Variants in ESCO1 observed in about 807,000 individuals in gnomAD.
The protein encoded by ESCO1 is establishment of sister chromatid cohesion N-acetyltransferase 1.
ESCO1 carries 33 observed loss-of-function variants against 83.5 expected under a neutral mutation model. That is an observed-to-expected ratio of 0.40 (90% CI 0.30 to 0.53). The LOEUF (loss-of-function observed/expected upper bound fraction) is 0.53. ESCO1 is among the 20% of genes least tolerant of loss of function. ESCO1 has a pLI of 0.63. For synonymous variants in ESCO1, 332 were observed against 324.3 expected, an observed-to-expected ratio of 1.02 and a Z score of -0.25; for missense variants, 855 against 968.0, an observed-to-expected ratio of 0.88 and a Z score of 1.55.
At chr18:21,550,608 T>C (rs1250087927) in intron 8 of ESCO1, among the ~76,000 whole-genome samples, 1 of 152,232 alleles carries the variant, frequency 6.6e-6, no homozygotes, top group Admixed American at 6.5e-5. Context: ...AGCAAACACA[T>C]TGAGTTCATC....
intron 7 of ESCO1, among the ~76,000 whole-genome samples, chr18:21,563,928 A>G (rs897573802): frequency 3.3e-5 from 5 of 151,338 alleles, no homozygotes; most frequent in Non-Finnish European, 7.4e-5. Flanking sequence ...TTAAAAAAAA[A>G]AAAAAAGAGT....
intron 8 of ESCO1, among the ~76,000 whole-genome samples, chr18:21,545,843 T>A (rs1218201607): frequency 6.6e-6 from 1 of 151,966 alleles, no homozygotes; most frequent in African/African-American, 2.4e-5. Context: ...GGCAGGAGGA[T>A]CACCTGAACC....
chr18:21,572,648 T>A (rs1289758038), intron 4 of ESCO1, among the ~76,000 whole-genome samples: 1 of 152,178 alleles, frequency 6.6e-6, no homozygotes, highest in East Asian at 1.9e-4. Context: ...TAGTTGAAAT[T>A]AATTTTAATA....
At chr18:21,547,537 C>T (rs1039108894) in intron 8 of ESCO1, among the ~76,000 whole-genome samples, 4 of 151,980 alleles carry the variant, frequency 2.6e-5, no homozygotes, top group Non-Finnish European at 4.4e-5. Context: ...GTCTTTAATA[C>T]AAGGTGCAAT....
chr18:21,598,882 A>C (rs542525161), intron 1 of ESCO1, among the ~76,000 whole-genome samples: 2 of 152,280 alleles, frequency 1.3e-5, no homozygotes, highest in South Asian at 4.1e-4. Flanking sequence ...GATACTCTGC[A>C]TTCTGCCTAA....
intron 2 of ESCO1, among the ~76,000 whole-genome samples, chr18:21,577,683 A>G (rs1023760523): frequency 4.0e-5 from 6 of 151,320 alleles, no homozygotes; most frequent in Admixed American, 3.3e-4. Flanking sequence ...AAAAAAGCAG[A>G]TATTCTCCCA....
intron 1 of ESCO1, among the ~76,000 whole-genome samples, chr18:21,600,194 C>T (rs566947128): frequency 6.6e-6 from 1 of 152,378 alleles, no homozygotes; most frequent in South Asian, 2.1e-4. Flanking sequence ...AGAGAAAACG[C>T]AGGGGGCGGA....
intron 2 of ESCO1, among the ~76,000 whole-genome samples, chr18:21,579,325 G>A (rs1336283257): frequency 6.6e-6 from 1 of 152,032 alleles, no homozygotes; most frequent in Non-Finnish European, 1.5e-5. Flanking sequence ...GAGCATGGTG[G>A]CACGCGCCTG....
At chr18:21,580,908 T>A (rs902119067) in intron 2 of ESCO1, among the ~76,000 whole-genome samples, 1 of 152,146 alleles carries the variant, frequency 6.6e-6, no homozygotes. Flanking sequence ...AAAAATCTCT[T>A]GAACCCAGGA....
intron 4 of ESCO1, among the ~76,000 whole-genome samples, chr18:21,569,844 C>T (rs569240851): frequency 2.0e-5 from 3 of 152,150 alleles, no homozygotes; most frequent in African/African-American, 4.8e-5. Flanking sequence ...AGCAAGACTC[C>T]GTCTCAAAAA....
intron 8 of ESCO1, 81 bp from the exon 9 acceptor site, chr18:21,540,090 G>T: frequency 8.3e-7 from 1 of 1,209,468 alleles, no homozygotes; most frequent in Non-Finnish European, 1.1e-6. Flanking sequence ...CCACGTACAA[G>T]ATAAAAAGTA....
At chr18:21,551,826 G>A (rs2038051452) in intron 8 of ESCO1, among the ~76,000 whole-genome samples, 1 of 152,144 alleles carries the variant, frequency 6.6e-6, no homozygotes, top group Non-Finnish European at 1.5e-5. Context: ...GAAAACTACA[G>A]TTTCAAACCC....
intron 8 of ESCO1, among the ~76,000 whole-genome samples, chr18:21,559,975 A>G (rs2038161976): frequency 1.3e-5 from 2 of 152,156 alleles, no homozygotes; most frequent in Non-Finnish European, 2.9e-5. Context: ...TAATACAAGC[A>G]TATGAATTTA....
chr18:21,581,955 G>A (rs905822656), intron 2 of ESCO1, among the ~76,000 whole-genome samples: 5 of 151,836 alleles, frequency 3.3e-5, no homozygotes, highest in Admixed American at 2.6e-4. Context: ...GCCAGGTGTG[G>A]TGCATACCTA....
Position 21,558,659 on chromosome 18 carries a change from G to A in ESCO1, c.1953+2200C>T, listed in dbSNP as rs141572058. Among the ~76,000 whole-genome samples the A allele has an allele frequency of 8.7e-4, 131 of 150,738 alleles. 1 individual carries two copies. Among genetic ancestry groups the A allele is most frequent in the African/African-American group, 3.0e-3 (123 of 41,064 alleles). ...GGAGAACTGCTTGAACCCAGGAGGTGGAGGAGGCAGTGAGCCAAGATTGCA... is the reference window on the plus strand; with the variant it reads ...GGAGAACTGCTTGAACCCAGGAGGTAGAGGAGGCAGTGAGCCAAGATTGCA... On this transcript the variant is annotated intron_variant, in intron 8 of 11. Transcript: ENST00000269214.
intron 8 of ESCO1, among the ~76,000 whole-genome samples, chr18:21,559,829 G>C (rs7239746): frequency 1.3e-5 from 2 of 152,166 alleles, no homozygotes; most frequent in African/African-American, 4.8e-5. Context: ...AGTGTGTGGA[G>C]AAGTCAGATG....
chr18:21,598,030 G>C (rs1366443887), intron 1 of ESCO1, among the ~76,000 whole-genome samples: 1 of 152,108 alleles, frequency 6.6e-6, no homozygotes, highest in East Asian at 1.9e-4. Flanking sequence ...ATGAAAGTCA[G>C]GGTTACAAAA....
At chr18:21,551,744 T>C (rs1234576817) in intron 8 of ESCO1, among the ~76,000 whole-genome samples, 1 of 152,180 alleles carries the variant, frequency 6.6e-6, no homozygotes, top group Non-Finnish European at 1.5e-5. Flanking sequence ...CTGGAAGGTA[T>C]AGAGAGTTCT....
intron 8 of ESCO1, chr18:21,540,454 AC>A: frequency 1.3e-6 from 1 of 750,534 alleles, no homozygotes; most frequent in Non-Finnish European, 1.7e-6. Context: ...CATGCCAAAG[AC>A]CTCCAGGAGG....
Sources: gnomAD v4.1 joint callset for allele counts (sites outside exome capture counted in the v4.1 genomes callset) on GRCh38, gnomAD v4.1.1 for gene constraint, MANE v1.5 for transcripts, NCBI Gene and HGNC (gene_info 2026-07-23, HGNC 2026-07-21) for gene names.